Variants in PDE7A observed in about 807,000 individuals in gnomAD.
PDE7A encodes phosphodiesterase 7A, also known as high affinity 3',5'-cyclic-AMP phosphodiesterase 7A.
In PDE7A, 39 loss-of-function variants were observed where a neutral mutation model predicts 64.3. The ratio of observed to expected loss-of-function variants is 0.61; its 90% confidence interval spans 0.47 to 0.79. The LOEUF (loss-of-function observed/expected upper bound fraction) is 0.79, where lower values mean the gene tolerates loss of function less well. Ranked by LOEUF, PDE7A falls within the 30% of genes least tolerant of loss-of-function variation. PDE7A has a pLI of 0.00. For missense variants in PDE7A, 470 were observed against 582.8 expected (o/e 0.81, Z 1.99); for synonymous variants, 203 against 206.8 (o/e 0.98, Z 0.16).
intron 3 of PDE7A, among the ~76,000 whole-genome samples, chr8:65,768,377 A>G (rs1311312305): frequency 6.6e-6 from 1 of 152,138 alleles, no homozygotes; most frequent in Non-Finnish European, 1.5e-5. Flanking sequence ...AGGTAGTTGA[A>G]TCATGGGGGT....
intron 1 of PDE7A, among the ~76,000 whole-genome samples, chr8:65,840,887 A>G (rs1290082139): frequency 2.0e-5 from 3 of 152,266 alleles, no homozygotes; most frequent in Non-Finnish European, 4.4e-5. Flanking sequence ...ATCTAGGCCT[A>G]TTGTTCAGAG....
rs117036318 is a variant in PDE7A, at chr8:65,748,622, A to G, written c.284-819T>C. Among the ~76,000 whole-genome samples, 779 of 152,322 alleles carry G rather than the reference A, an allele frequency of 5.1e-3. 18 individuals carry two copies. Among genetic ancestry groups the G allele is most frequent in the East Asian group, 0.03 (154 of 5,192 alleles). ...AAAATGTTCACAATATAAAACAGGA[A>G]AATCAAGACTGAGGATCAATAAATC... On this transcript the variant is annotated intron_variant, in intron 3 of 12. Transcript: ENST00000401827.
At chr8:65,742,450 G>A (rs1424610786) in intron 5 of PDE7A, among the ~76,000 whole-genome samples, 1 of 152,174 alleles carries the variant, frequency 6.6e-6, no homozygotes. Flanking sequence ...TAGCAGACAA[G>A]CTGGGAACGA....
intron 1 of PDE7A, among the ~76,000 whole-genome samples, chr8:65,828,572 G>C (rs1434957833): frequency 2.6e-5 from 4 of 151,946 alleles, no homozygotes; most frequent in Admixed American, 1.3e-4. Context: ...ATATATCTTA[G>C]CAAAGTTTTG....
Position 65,841,642 on chromosome 8 carries a change from G to A in PDE7A, c.-134C>T. On this transcript the variant is annotated 5_prime_UTR_variant, in exon 1 of 13. Transcript: ENST00000401827. ...GCGGGCGGGGACCGACCCCGGGCTG[G>A]GAAGCCGCGCTCACGCCTCCCCAAC... The A allele has an allele frequency of 8.9e-6, 2 of 224,194 alleles. No individual in the cohort carries two copies. Among genetic ancestry groups the A allele is most frequent in the Non-Finnish European group, 1.6e-5 (2 of 124,848 alleles). 13.9% of individuals were successfully genotyped at this position (224,194 alleles called of 1,614,324 possible).
chr8:65,751,411 A>G (rs1180948578), intron 3 of PDE7A, among the ~76,000 whole-genome samples: 1 of 151,122 alleles, frequency 6.6e-6, no homozygotes, highest in African/African-American at 2.4e-5. Context: ...TTATACAACC[A>G]CTCTCAAGCC....
chr8:65,741,530 G>C (rs1807436246), intron 5 of PDE7A, among the ~76,000 whole-genome samples: 1 of 152,140 alleles, frequency 6.6e-6, no homozygotes. Context: ...GGCCAAAAGA[G>C]ACTATTTTTA....
intron 1 of PDE7A, among the ~76,000 whole-genome samples, chr8:65,806,434 GT>G (rs751015709): frequency 1.3e-5 from 2 of 152,164 alleles, no homozygotes; most frequent in Non-Finnish European, 2.9e-5. Context: ...AATTAGAGTA[GT>G]AAAGGTTGCA....
chr8:65,829,733 T>A (rs1042262417), intron 1 of PDE7A, among the ~76,000 whole-genome samples: 1 of 152,032 alleles, frequency 6.6e-6, no homozygotes, highest in South Asian at 2.1e-4. Context: ...TTTCAAGCAT[T>A]GATATTCTGA....
At chr8:65,770,026 A>T (rs1229622743) in intron 3 of PDE7A, among the ~76,000 whole-genome samples, 1 of 152,198 alleles carries the variant, frequency 6.6e-6, no homozygotes, top group Non-Finnish European at 1.5e-5. Context: ...TAATTTCAAA[A>T]CACATACAAA....
rs73240751 is a variant in PDE7A, at chr8:65,714,449, A to G, written c.*4841T>C. On this transcript the variant is annotated 3_prime_UTR_variant, in exon 13 of 13. Transcript: ENST00000401827. Reference sequence around the variant, plus strand: ...GGTGCTCTCCATCAGCTCACTCCCAAGTGGTGGTCATTCCACCTGTAGACC... The same window carrying G: ...GGTGCTCTCCATCAGCTCACTCCCAGGTGGTGGTCATTCCACCTGTAGACC... 16,700 of 152,088 alleles carry G rather than the reference A, an allele frequency of 0.11. 1,141 individuals carry two copies. The highest frequency in any genetic ancestry group is 0.17 in the Middle Eastern group (50 of 294). 9.4% of individuals were successfully genotyped at this position (152,088 alleles called of 1,614,324 possible). A position where few individuals can be genotyped will look rare whatever the true frequency, so the allele number is the denominator to read the frequency against.
At position 65,717,230 on chromosome 8, in the gene PDE7A, G is replaced by T. The variant is rs543633819; in HGVS notation, c.*2060C>A. Among the ~76,000 whole-genome samples, 1 of 152,314 alleles carries T rather than the reference G, an allele frequency of 6.6e-6. No homozygotes were observed. Among genetic ancestry groups the T allele is most frequent in the East Asian group, 1.9e-4 (1 of 5,192 alleles). On this transcript the variant is annotated 3_prime_UTR_variant, in exon 13 of 13. Transcript: ENST00000401827. ...GTACAAATAATATGTTAATGTGTTT[G>T]ATTTAGAAGTTTGCACCATATCCCT...
chr8:65,819,753 C>T (rs1810495275), intron 1 of PDE7A, among the ~76,000 whole-genome samples: 1 of 152,110 alleles, frequency 6.6e-6, no homozygotes, highest in East Asian at 1.9e-4. Context: ...TAGTTGTCTC[C>T]CAAAACATCT....
intron 5 of PDE7A, among the ~76,000 whole-genome samples, chr8:65,740,181 AG>A (rs1007237346): frequency 3.6e-5 from 4 of 112,080 alleles, no homozygotes; most frequent in African/African-American, 1.3e-4. Flanking sequence ...GGGGGTGGGG[AG>A]GGGGAATCAC....
At chr8:65,833,578 C>G (rs1386646802) in intron 1 of PDE7A, among the ~76,000 whole-genome samples, 1 of 152,112 alleles carries the variant, frequency 6.6e-6, no homozygotes, top group African/African-American at 2.4e-5. Context: ...CATATAATAC[C>G]TTGAGCAACT....
At chr8:65,819,257 G>A (rs1385132358) in intron 1 of PDE7A, among the ~76,000 whole-genome samples, 1 of 152,190 alleles carries the variant, frequency 6.6e-6, no homozygotes, top group African/African-American at 2.4e-5. Context: ...AGTTAGCTGG[G>A]TGTGGTGGCA....
chr8:65,764,562 A>C (rs1393620001), intron 3 of PDE7A, among the ~76,000 whole-genome samples: 2 of 152,230 alleles, frequency 1.3e-5, no homozygotes, highest in Non-Finnish European at 2.9e-5. Flanking sequence ...TGCTGAGCAA[A>C]CTATTTGTAC....
chr8:65,801,820 T>C (rs1458106458), intron 1 of PDE7A, among the ~76,000 whole-genome samples: 3 of 152,200 alleles, frequency 2.0e-5, no homozygotes, highest in Admixed American at 6.5e-5. Flanking sequence ...GAACTCTAAC[T>C]AGAACAGTGT....
chr8:65,813,306 G>A (rs888556237), intron 1 of PDE7A, among the ~76,000 whole-genome samples: 2 of 152,056 alleles, frequency 1.3e-5, no homozygotes, highest in Non-Finnish European at 2.9e-5. Flanking sequence ...AGCACTGTTT[G>A]AAAGTACTAT....
Sources: allele counts gnomAD v4.1 joint callset (sites outside exome capture counted in the v4.1 genomes callset), GRCh38; gene constraint gnomAD v4.1.1; transcripts MANE v1.5; gene names NCBI Gene and HGNC (gene_info 2026-07-23, HGNC 2026-07-21).